The following IQCH variants were observed in gnomAD, a reference collection of about 807,000 sequenced individuals.
The protein encoded by IQCH is IQ motif containing H.
A neutral mutation model predicts 117.0 loss-of-function variants in IQCH; 98 were observed. The observed-to-expected ratio is 0.84, with a 90% confidence interval of 0.71 to 0.99. The LOEUF is 0.99. Among genes scored for constraint, IQCH ranks in the 50% least tolerant of loss-of-function variants. The probability of loss-of-function intolerance (pLI) is 0.00; values close to 1 mark genes in which losing one functional copy is unlikely to be tolerated. For synonymous variants in IQCH, 412 were observed against 448.2 expected (o/e 0.92, Z 1.02); for missense variants, 1,102 against 1,243.8 (o/e 0.89, Z 1.72).
chr15:67,442,869 C>CATAT (rs143452052), intron 16 of IQCH, among the ~76,000 whole-genome samples: 3 of 130,290 alleles, frequency 2.3e-5, no homozygotes, highest in Admixed American at 7.6e-5. Context: ...GATAGATATA[C>CATAT]ATATATATAT....
chr15:67,430,998 T>A lies in IQCH; in HGVS notation c.2505+9421T>A, dbSNP rs897739874. 6.6e-6 allele frequency among the ~76,000 whole-genome samples: 1 copy of A among 152,078 alleles called. No individual in the cohort carries two copies. The highest frequency in any genetic ancestry group is 1.5e-5 in the Non-Finnish European group (1 of 68,012). On this transcript the variant is annotated intron_variant, in intron 16 of 20. Transcript: ENST00000335894. The surrounding 1 kb of genome is among the most constrained non-coding windows in gnomAD (Gnocchi z 5.1). ...GAAAGATCCCTTCTGTTGGGAGCAA[T>A]CAAGAAAGGTTTTGCAGAGAAGGTG...
intron 6 of IQCH, among the ~76,000 whole-genome samples, chr15:67,351,223 A>T (rs1484133330): frequency 6.6e-6 from 1 of 152,078 alleles, no homozygotes; most frequent in Non-Finnish European, 1.5e-5. Context: ...TATTTGTCCT[A>T]ATGCTCTCCC....
At chr15:67,402,029 A>G (rs1971681592) in intron 14 of IQCH, among the ~76,000 whole-genome samples, 1 of 152,238 alleles carries the variant, frequency 6.6e-6, no homozygotes, top group Admixed American at 6.5e-5. Context: ...TTACACTATG[A>G]TAAATTTGAA....
At position 67,324,487 on chromosome 15, in the gene IQCH, G is replaced by A. The variant is rs112335792; in HGVS notation, c.388-12488G>A. On this transcript the variant is annotated intron_variant, in intron 4 of 20. Coordinates refer to ENST00000335894, the MANE Select transcript of IQCH (RefSeq NM_001031715.3). ...TAGCCAGGCGTGGTGGCACATGCCT[G>A]TTATCTCAGCTACTCAGGAGGCTGA... Among the ~76,000 whole-genome samples the A allele has an allele frequency of 2.0e-5, 3 of 151,746 alleles. 1 individual carries two copies. Among genetic ancestry groups the A allele is most frequent in the African/African-American group, 7.2e-5 (3 of 41,400 alleles).
At position 67,491,235 on chromosome 15, in the gene IQCH, G is replaced by A. The variant is rs978473616; in HGVS notation, c.2861+1171G>A. Among the ~76,000 whole-genome samples, 2 of 151,974 alleles carry A rather than the reference G, an allele frequency of 1.3e-5. No homozygotes were observed. The highest frequency in any genetic ancestry group is 6.6e-5 in the Admixed American group (1 of 15,264). On this transcript the variant is annotated intron_variant, in intron 19 of 20. Transcript: ENST00000335894. The surrounding 1 kb of genome is among the most constrained non-coding windows in gnomAD (Gnocchi z 4.9). ...TACACCCTACTATGGTCAGTCTCCC[G>A]GAAACTGATCCAAAGAGGTGCACAC...
Position 67,376,556 on chromosome 15 carries a change from A to C in IQCH, c.1372+3123A>C, listed in dbSNP as rs1272695731. Among the ~76,000 whole-genome samples, 1 of 152,214 alleles carries C rather than the reference A, an allele frequency of 6.6e-6. No individual in the cohort carries two copies. Among genetic ancestry groups the C allele is most frequent in the Non-Finnish European group, 1.5e-5 (1 of 68,022 alleles). On this transcript the variant is annotated intron_variant, in intron 10 of 20. Coordinates refer to ENST00000335894, the MANE Select transcript of IQCH (RefSeq NM_001031715.3). The surrounding 1 kb of genome is among the most constrained non-coding windows in gnomAD (Gnocchi z 5.0). ...CTACAAATAATTACACCATGCTGCT[A>C]GCCAATTGGGGCTGCACTAACTTGT...
intron 18 of IQCH, 38 bp from the exon 19 acceptor site, chr15:67,489,965 A>G (rs1218976442): frequency 1.5e-6 from 2 of 1,358,432 alleles, no homozygotes; most frequent in Non-Finnish European, 2.1e-6. Flanking sequence ...TTTCTGAGAT[A>G]ATATACTATT....
chr15:67,496,799 A>G lies in IQCH; in HGVS notation c.2970+2433A>G, dbSNP rs1337540874. Among the ~76,000 whole-genome samples, 1 of 151,564 alleles carries G rather than the reference A, an allele frequency of 6.6e-6. No individual in the cohort carries two copies. The highest frequency in any genetic ancestry group is 2.4e-5 in the African/African-American group (1 of 41,238). ...TTTGGGAGGCCGAGGCTGGTGGATC[A>G]TGAGGTCAGGAGATCGAGACCATCC... On this transcript the variant is annotated intron_variant, in intron 20 of 20. Coordinates refer to ENST00000335894, the MANE Select transcript of IQCH (RefSeq NM_001031715.3). The surrounding 1 kb of genome is among the most constrained non-coding windows in gnomAD (Gnocchi z 4.4).
rs763189695 is a variant in IQCH, at chr15:67,456,897, A to G, written c.2506-8230A>G. On this transcript the variant is annotated intron_variant, in intron 16 of 20. Transcript: ENST00000335894. The surrounding 1 kb of genome is among the most constrained non-coding windows in gnomAD (Gnocchi z 5.1). ...AAACACCCCATAGAAGGCAGTGTCC[A>G]AGGGGATTGGTACAGAGATGGAAGC... 1.4e-4 allele frequency among the ~76,000 whole-genome samples: 22 copies of G among 152,156 alleles called. No individual in the cohort carries two copies. The highest frequency in any genetic ancestry group is 2.6e-4 in the Non-Finnish European group (18 of 68,030).
At chr15:67,332,024 A>G (rs1299723559) in intron 4 of IQCH, among the ~76,000 whole-genome samples, 2 of 152,182 alleles carry the variant, frequency 1.3e-5, no homozygotes, top group Non-Finnish European at 2.9e-5. Flanking sequence ...GTCCTATTCT[A>G]AAAGGAACCA....
At chr15:67,273,303 C>T (rs1002367392) in intron 3 of IQCH, among the ~76,000 whole-genome samples, 2 of 152,024 alleles carry the variant, frequency 1.3e-5, no homozygotes, top group African/African-American at 4.8e-5. Flanking sequence ...CTCCTGACCT[C>T]AAGTGATTTG....
In IQCH at chr15:67,364,176, A is replaced by G. The variant is rs564080021; in HGVS notation, c.753+4291A>G. 6.6e-6 allele frequency among the ~76,000 whole-genome samples: 1 copy of G among 152,330 alleles called. No individual in the cohort carries two copies. Among genetic ancestry groups the G allele is most frequent in the African/African-American group, 2.4e-5 (1 of 41,574 alleles). ...TGAACTAATTTACATTCCCACTGGC[A>G]GTGTATAAGCATTCCCTTTTCTCTG... On this transcript the variant is annotated intron_variant, in intron 8 of 20. Transcript: ENST00000335894. This position sits in a 1 kb window ranked among gnomAD's most constrained non-coding sequence, Gnocchi z 4.1.
At chr15:67,314,148 C>T (rs1967733391) in intron 4 of IQCH, among the ~76,000 whole-genome samples, 1 of 152,132 alleles carries the variant, frequency 6.6e-6, no homozygotes, top group Non-Finnish European at 1.5e-5. Flanking sequence ...CTGCCTGTAA[C>T]CTCATCCCTG....
intron 3 of IQCH, among the ~76,000 whole-genome samples, chr15:67,276,658 T>TA (rs1436835480): frequency 6.6e-6 from 1 of 152,166 alleles, no homozygotes; most frequent in Non-Finnish European, 1.5e-5. Flanking sequence ...ATTGTCTTCT[T>TA]ACTTGCATAG....
chr15:67,368,971 G>A (rs1253902329), intron 8 of IQCH, among the ~76,000 whole-genome samples: 5 of 151,964 alleles, frequency 3.3e-5, no homozygotes, highest in South Asian at 2.1e-4. Flanking sequence ...CTGCAGCCTC[G>A]AACTCCTGGG....
chr15:67,276,674 GA>G (rs954983641), intron 3 of IQCH, among the ~76,000 whole-genome samples: 9 of 150,010 alleles, frequency 6.0e-5, no homozygotes, highest in African/African-American at 1.5e-4. Flanking sequence ...CATAGTTTCT[GA>G]AAAAAAAAGT....
In IQCH at chr15:67,494,999, C is replaced by T. The variant is rs551692588; in HGVS notation, c.2970+633C>T. 3.3e-5 allele frequency among the ~76,000 whole-genome samples: 5 copies of T among 152,272 alleles called. No homozygotes were observed. In the East Asian group the frequency reaches 7.7e-4, roughly 24 times the overall value. On this transcript the variant is annotated intron_variant, in intron 20 of 20. Coordinates refer to ENST00000335894, the MANE Select transcript of IQCH (RefSeq NM_001031715.3). This position sits in a 1 kb window ranked among gnomAD's most constrained non-coding sequence, Gnocchi z 5.5. ...GTAAACTACAGGAACAAGGTCTGTA[C>T]GGGAGTTTCTGAAATACTGTCTGAA... is the stretch of plus-strand genomic sequence containing the variant.
At chr15:67,486,189 C>T (rs1479458061) in intron 18 of IQCH, among the ~76,000 whole-genome samples, 1 of 151,678 alleles carries the variant, frequency 6.6e-6, no homozygotes, top group Non-Finnish European at 1.5e-5. Flanking sequence ...TGCCACCATG[C>T]CTGGCTAATT....
intron 18 of IQCH, among the ~76,000 whole-genome samples, 163 bp from the exon 19 acceptor site, chr15:67,489,840 A>G: frequency 6.6e-6 from 1 of 151,770 alleles, no homozygotes; most frequent in Admixed American, 6.6e-5. Flanking sequence ...ATTTACTCCA[A>G]ATTCTAGAGG....
Sources: allele counts gnomAD v4.1 joint callset (sites outside exome capture counted in the v4.1 genomes callset), GRCh38; gene constraint gnomAD v4.1.1; non-coding constraint Gnocchi (gnomAD v3.1); transcripts MANE v1.5; gene names NCBI Gene and HGNC (gene_info 2026-07-23, HGNC 2026-07-21).